The following CFAP20DC variants were observed in gnomAD, a reference collection of about 807,000 sequenced individuals.
CFAP20DC encodes CFAP20 domain containing, also known as protein CFAP20DC.
In CFAP20DC, 84 loss-of-function variants were observed where a neutral mutation model predicts 101.7. That is an observed-to-expected ratio of 0.83 (90% CI 0.69 to 0.99). The LOEUF (loss-of-function observed/expected upper bound fraction) is 0.99, where lower values mean the gene tolerates loss of function less well. Among genes scored for constraint, CFAP20DC ranks in the 50% least tolerant of loss-of-function variants. The pLI is 0.00. For missense variants in CFAP20DC, 1,007 were observed against 970.3 expected (o/e 1.04, Z -0.50); for synonymous variants, 359 against 351.2 (o/e 1.02, Z -0.25).
rs71311890 is a variant in CFAP20DC, at chr3:58,795,550, G to A, written c.2237+10845C>T. On this transcript the variant is annotated intron_variant, in intron 15 of 16. Coordinates refer to ENST00000482387, the MANE Select transcript of CFAP20DC (RefSeq NM_001394063.1). This position sits in a 1 kb window ranked among gnomAD's most constrained non-coding sequence, Gnocchi z 4.2. The stretch of plus-strand genomic sequence containing the variant: ...TGGAGTGGGAGAGTTACCTGAGCCC[G>A]GGAGGCCGAGGCTGCAATGAGCCAT... Among the ~76,000 whole-genome samples the A allele has an allele frequency of 3.3e-5, 5 of 152,230 alleles. No individual in the cohort carries two copies. Among genetic ancestry groups the A allele is most frequent in the Admixed American group, 6.5e-5 (1 of 15,288 alleles).
At chr3:58,906,503 C>T (rs1436880887) in intron 6 of CFAP20DC, among the ~76,000 whole-genome samples, 1 of 152,148 alleles carries the variant, frequency 6.6e-6, no homozygotes, top group African/African-American at 2.4e-5. Context: ...GAACTTGTTC[C>T]TTGAGCATAT....
chr3:58,995,102 T>A (rs373311548), intron 4 of CFAP20DC, among the ~76,000 whole-genome samples: 17 of 152,310 alleles, frequency 1.1e-4, no homozygotes, highest in African/African-American at 3.8e-4. Flanking sequence ...ACTACCTATA[T>A]CCCTTTTTCT....
In CFAP20DC at chr3:58,926,142, G is replaced by A. The variant is rs1469327421; in HGVS notation, c.393+11506C>T. On this transcript the variant is annotated intron_variant, in intron 5 of 16. Transcript: ENST00000482387. ...GCACTTTGGGAGGCTGAGGAAGGTGGATCATTTGAGGTCAGGAGTTAGAGA... is the reference window on the plus strand; with the variant it reads ...GCACTTTGGGAGGCTGAGGAAGGTGAATCATTTGAGGTCAGGAGTTAGAGA... 2.6e-5 allele frequency among the ~76,000 whole-genome samples: 4 copies of A among 152,028 alleles called. No individual in the cohort carries two copies. The South Asian group carries it at 6.2e-4, about 24-fold the overall frequency.
chr3:58,736,048 C>T (rs1415092664), intron 3 of CFAP20DC, among the ~76,000 whole-genome samples: 1 of 152,084 alleles, frequency 6.6e-6, no homozygotes, highest in East Asian at 1.9e-4. Context: ...AGATTAAAAT[C>T]TCTTGAAACA....
chr3:58,841,206 T>C (rs17059879), intron 13 of CFAP20DC, among the ~76,000 whole-genome samples: 8,531 of 152,264 alleles, frequency 0.056, 518 homozygotes, highest in East Asian at 0.35. Flanking sequence ...ACAGGTGTTT[T>C]GAAATAATGC....
At chr3:58,814,278 C>T (rs780351304) in intron 14 of CFAP20DC, among the ~76,000 whole-genome samples, 1 of 151,900 alleles carries the variant, frequency 6.6e-6, no homozygotes, top group African/African-American at 2.4e-5. Flanking sequence ...GTTACAGAAT[C>T]CTATCTTGTT....
In CFAP20DC at chr3:58,897,494, T is replaced by C. The variant is rs2082764639; in HGVS notation, c.551-12785A>G. On this transcript the variant is annotated intron_variant, in intron 6 of 16. Coordinates refer to ENST00000482387, the MANE Select transcript of CFAP20DC (RefSeq NM_001394063.1). This position sits in a 1 kb window ranked among gnomAD's most constrained non-coding sequence, Gnocchi z 4.4. ...GTACTTCAGATACACTGTACTTCAG[T>C]GTGTTTTTGTAGTGGCTGGTAATGG... is the stretch of plus-strand genomic sequence containing the variant. Among the ~76,000 whole-genome samples, 1 of 152,170 alleles carries C rather than the reference T, an allele frequency of 6.6e-6. No individual in the cohort carries two copies. Among genetic ancestry groups the C allele is most frequent in the South Asian group, 2.1e-4 (1 of 4,828 alleles).
At chr3:59,008,098 G>A (rs1299981417) in intron 4 of CFAP20DC, among the ~76,000 whole-genome samples, 4 of 152,140 alleles carry the variant, frequency 2.6e-5, no homozygotes, top group Non-Finnish European at 5.9e-5. Context: ...CAGCCTTTCT[G>A]GAAAAATCCA....
chr3:59,023,334 C>G (rs781300063), intron 4 of CFAP20DC, among the ~76,000 whole-genome samples: 2 of 152,010 alleles, frequency 1.3e-5, no homozygotes, highest in Non-Finnish European at 1.5e-5. Flanking sequence ...TCCCTGCCCT[C>G]AAAGTAATCA....
intron 15 of CFAP20DC, among the ~76,000 whole-genome samples, chr3:58,801,682 A>G (rs1415519624): frequency 6.6e-6 from 1 of 151,948 alleles, no homozygotes; most frequent in East Asian, 1.9e-4. Context: ...CACGGGTTAC[A>G]ACGACAGGCC....
At chr3:59,037,649 G>A (rs1159932214) in intron 4 of CFAP20DC, among the ~76,000 whole-genome samples, 2 of 152,136 alleles carry the variant, frequency 1.3e-5, no homozygotes, top group Non-Finnish European at 2.9e-5. Flanking sequence ...TGGAGAGGAT[G>A]TGGACAAACA....
chr3:58,793,781 A>G (rs546168026), intron 15 of CFAP20DC, among the ~76,000 whole-genome samples: 2 of 152,318 alleles, frequency 1.3e-5, no homozygotes, highest in African/African-American at 4.8e-5. Flanking sequence ...CTGTGATTTT[A>G]CTTAAGCTGA....
intron 4 of CFAP20DC, among the ~76,000 whole-genome samples, chr3:58,977,133 G>A (rs181548369): frequency 3.5e-3 from 527 of 152,270 alleles, no homozygotes; most frequent in Non-Finnish European, 5.3e-3. Context: ...TGGTGAAGTT[G>A]GTTCTGTTAT....
In CFAP20DC at chr3:58,831,889, C is replaced by T. The variant is rs139230304; in HGVS notation, c.1972G>A (p.Glu658Lys). 3.1e-6 allele frequency: 5 copies of T among 1,613,678 alleles called. No homozygotes were observed. The highest frequency in any genetic ancestry group is 4.2e-6 in the Non-Finnish European group (5 of 1,179,680). Reference sequence around the variant, plus strand: ...GGCTGATAGTTTCGCCAGTCATATTCCTGACCAAGAGAGAGGAAAATAACA... The same window carrying T: ...GGCTGATAGTTTCGCCAGTCATATTTCTGACCAAGAGAGAGGAAAATAACA... The part of the protein sequence containing the change: ...ERLSSIPEAS[E>K]YDWRNYQPSQ... The change falls in exon 14 of 17, where the codon GAA (glutamate) becomes AAA (lysine). Residue 658 changes from glutamate to lysine, a missense_variant and splice_region_variant. Transcript: ENST00000482387.
At chr3:58,825,161 C>T (rs1282394607) in intron 14 of CFAP20DC, among the ~76,000 whole-genome samples, 1 of 152,126 alleles carries the variant, frequency 6.6e-6, no homozygotes, top group African/African-American at 2.4e-5. Flanking sequence ...GTTAAACTCA[C>T]ATCAAAACAA....
At position 58,818,989 on chromosome 3, in the gene CFAP20DC, A is replaced by C. The variant is rs1237700891; in HGVS notation, c.2176-12533T>G. Among the ~76,000 whole-genome samples the C allele has an allele frequency of 1.3e-5, 2 of 150,952 alleles. 1 individual carries two copies. Among genetic ancestry groups the C allele is most frequent in the South Asian group, 4.2e-4 (2 of 4,758 alleles). The stretch of plus-strand genomic sequence containing the variant: ...ACTAGAACTCAGGATTAAGAATCTC[A>C]CTCAAACCCGCTCAACTACGTGGAA... On this transcript the variant is annotated intron_variant, in intron 14 of 16. Transcript: ENST00000482387.
intron 3 of CFAP20DC, among the ~76,000 whole-genome samples, chr3:58,719,404 C>T (rs746007045): frequency 3.3e-5 from 5 of 152,182 alleles, no homozygotes; most frequent in Admixed American, 6.5e-5. Flanking sequence ...TGCACACCAG[C>T]TTCAGTGACT....
rs1327501802 is a variant in CFAP20DC at position 58,912,039 on chromosome 3, C to T, written c.550+1669G>A. Among the ~76,000 whole-genome samples, 1 of 152,098 alleles carries T rather than the reference C, an allele frequency of 6.6e-6. No homozygotes were observed. The highest frequency in any genetic ancestry group is 1.5e-5 in the Non-Finnish European group (1 of 68,024). On this transcript the variant is annotated intron_variant, in intron 6 of 16. Transcript: ENST00000482387. The surrounding 1 kb of genome is among the most constrained non-coding windows in gnomAD (Gnocchi z 4.4). Reference sequence around the variant, plus strand: ...TTTTCTTTGCTCTTCTAAGTCATTGCTTAATCTTATAAAATTTACAAACGT... The same window carrying T: ...TTTTCTTTGCTCTTCTAAGTCATTGTTTAATCTTATAAAATTTACAAACGT...
intron 4 of CFAP20DC, among the ~76,000 whole-genome samples, chr3:58,953,336 C>T (rs1432595546): frequency 6.6e-6 from 1 of 152,192 alleles, no homozygotes; most frequent in East Asian, 1.9e-4. Context: ...GCTAGGCTCA[C>T]AGCATGAGGT....
Sources: allele counts gnomAD v4.1 joint callset (sites outside exome capture counted in the v4.1 genomes callset), GRCh38; gene constraint gnomAD v4.1.1; non-coding constraint Gnocchi (gnomAD v3.1); transcripts MANE v1.5; gene names NCBI Gene and HGNC (gene_info 2026-07-23, HGNC 2026-07-21).